SGSM2: variants seen among roughly 807,000 people sequenced by gnomAD.
SGSM2 encodes the protein small G protein signaling modulator 2.
SGSM2 carries 89 observed loss-of-function variants against 126.6 expected under a neutral mutation model. That is an observed-to-expected ratio of 0.70 (90% CI 0.59 to 0.84). The LOEUF (loss-of-function observed/expected upper bound fraction) is 0.84. Among genes scored for constraint, SGSM2 ranks in the 40% least tolerant of loss-of-function variants. The pLI is 0.00. For synonymous variants in SGSM2, 614 were observed against 574.3 expected, an observed-to-expected ratio of 1.07 and a Z score of -0.99; for missense variants, 1,404 against 1,416.6, an observed-to-expected ratio of 0.99 and a Z score of 0.14.
chr17:2,349,656 G>T (rs1028777038), intron 2 of SGSM2, among the ~76,000 whole-genome samples: 2 of 152,170 alleles, frequency 1.3e-5, no homozygotes, highest in Non-Finnish European at 1.5e-5. Flanking sequence ...GGAAACAATG[G>T]TTGCAGGCGG....
At position 2,371,386 on chromosome 17, in the gene SGSM2, C is replaced by T. The variant is rs1453217616; in HGVS notation, c.1548C>T (p.Thr516=). The T allele has an allele frequency of 6.2e-7, 1 of 1,610,218 alleles. No individual in the cohort carries two copies. The change falls in exon 13 of 24, where the codon ACC becomes ACT. Residue 516 remains threonine (T), a synonymous_variant. Transcript: ENST00000268989. ...SCSSSSSPHA[T]PSHCSCIPDR... is the part of the protein sequence containing the mutation. ...CCTCCAGCAGCTCCCCACATGCAAC[C>T]CCCAGCCACTGTAGCTGCATCCCCG...
chr17:2,377,193 G>T (rs760603041), intron 21 of SGSM2, 125 bp downstream of exon 21: 14 of 669,748 alleles, frequency 2.1e-5, no homozygotes, highest in Non-Finnish European at 3.2e-5. Flanking sequence ...CATTTTAAAA[G>T]ACATGGTTTC....
In SGSM2 at chr17:2,372,248, T is replaced by C; in HGVS notation, c.1636T>C (p.Tyr546His). 2 of 1,613,008 alleles carry C rather than the reference T, an allele frequency of 1.2e-6. No individual in the cohort carries two copies. The highest frequency in any genetic ancestry group is 1.7e-4 in the Middle Eastern group (1 of 6,060). Residue 546 changes from tyrosine (Y) to histidine (H), a missense_variant, in exon 14 of 24, where the codon TAC (tyrosine) becomes CAC (histidine). Tyr to His is a moderately conservative substitution (Grantham distance 83). Coordinates refer to ENST00000268989, the MANE Select transcript of SGSM2 (RefSeq NM_014853.3). The surrounding 1 kb of genome is among the most constrained non-coding windows in gnomAD (Gnocchi z 6.0). ...GAGGCAGATCGTGTCCCGGGCCTTC[T>C]ACGGCTGTGAGTGTGGGGCGCGCCG... ...MKRQIVSRAF[Y>H]GWLAHCRHLS... is the part of the protein sequence containing the mutation.
Position 2,377,069 on chromosome 17 carries a change from G to A in SGSM2, c.2802+1G>A. 6.2e-7 allele frequency: 1 copy of A among 1,604,074 alleles called. No homozygotes were observed. The highest frequency in any genetic ancestry group is 8.5e-7 in the Non-Finnish European group (1 of 1,172,668). On this transcript the variant is annotated splice_donor_variant, in intron 21 of 23. Transcript: ENST00000268989. LOFTEE classifies it high-confidence loss of function. ...TGCCAACATGCGCTCCCTCATCCAG[G>A]TGAGGCCGGTTGCCACCCATGGGCA...
intron 1 of SGSM2, among the ~76,000 whole-genome samples, chr17:2,340,427 A>G (rs73303078): frequency 0.28 from 42,322 of 151,938 alleles, 6,143 homozygotes; most frequent in Admixed American, 0.36. Context: ...GAGGATGATG[A>G]CTTTTTCCAC....
In SGSM2 at chr17:2,372,208, G is replaced by C; in HGVS notation, c.1596G>C (p.Leu532=). The part of the protein sequence containing the change: ...CIPDRLPLRL[L]CESMKRQIVS... The stretch of plus-strand genomic sequence containing the variant: ...GCCACAGGTTGCCGCTCAGGCTACT[G>C]TGTGAGAGTATGAAGAGGCAGATCG... The change falls in exon 14 of 24, where the codon CTG becomes CTC. Residue 532 remains leucine (L), a synonymous_variant. Coordinates refer to ENST00000268989, the MANE Select transcript of SGSM2 (RefSeq NM_014853.3). This position sits in a 1 kb window ranked among gnomAD's most constrained non-coding sequence, Gnocchi z 6.0. 6.2e-7 allele frequency: 1 copy of C among 1,613,314 alleles called. No homozygotes were observed. The highest frequency in any genetic ancestry group is 8.5e-7 in the Non-Finnish European group (1 of 1,179,790).
chr17:2,342,522 G>C (rs184337106), intron 1 of SGSM2, among the ~76,000 whole-genome samples: 2 of 152,318 alleles, frequency 1.3e-5, no homozygotes, highest in Admixed American at 1.3e-4. Context: ...TAGAAGGGAA[G>C]GTGATGAGGC....
chr17:2,353,798 T>G (rs1005225899), intron 2 of SGSM2, among the ~76,000 whole-genome samples: 2 of 151,608 alleles, frequency 1.3e-5, no homozygotes, highest in African/African-American at 2.4e-5. Context: ...AAAGTCTCAC[T>G]CCTTTCTCTG....
Position 2,362,959 on chromosome 17 carries a change from C to T in SGSM2, c.527-30C>T, listed in dbSNP as rs2065384533. 1.9e-6 allele frequency: 3 copies of T among 1,614,056 alleles called. No homozygotes were observed. The highest frequency in any genetic ancestry group is 2.2e-5 in the East Asian group (1 of 44,880). ...TACGGGGCAGGTGCTGAGGGAGCAT[C>T]GTCTGGGCTGGCTGTCTCTGTCTCC... On this transcript the variant is annotated intron_variant, in intron 5 of 23. Transcript: ENST00000268989. The surrounding 1 kb of genome is among the most constrained non-coding windows in gnomAD (Gnocchi z 4.9).
At chr17:2,369,496 C>G (rs1057448981) in intron 12 of SGSM2, among the ~76,000 whole-genome samples, 1 of 152,208 alleles carries the variant, frequency 6.6e-6, no homozygotes, top group Non-Finnish European at 1.5e-5. Context: ...CCCCTCCCCC[C>G]GTCCAGCCTG....
chr17:2,365,744 T>A (rs1309524556), intron 11 of SGSM2, among the ~76,000 whole-genome samples: 2 of 116,238 alleles, frequency 1.7e-5, no homozygotes, highest in Admixed American at 8.2e-5. Context: ...CCAGCGCTAC[T>A]TTTTTTTTTT....
intron 1 of SGSM2, among the ~76,000 whole-genome samples, chr17:2,341,911 A>G (rs2064384512): frequency 1.3e-5 from 2 of 152,264 alleles, no homozygotes; most frequent in South Asian, 2.1e-4. Context: ...AGCAGTATCC[A>G]TAACAGCCCC....
At chr17:2,360,068 C>T (rs1438070591) in intron 2 of SGSM2, among the ~76,000 whole-genome samples, 1 of 152,192 alleles carries the variant, frequency 6.6e-6, no homozygotes, top group Non-Finnish European at 1.5e-5. Context: ...GTGGGCCGGG[C>T]GCGGTGCCTC....
intron 17 of SGSM2, 21 bp from the exon 18 acceptor site, chr17:2,375,471 C>T (rs1389566702): frequency 1.9e-6 from 3 of 1,583,954 alleles, no homozygotes; most frequent in South Asian, 1.1e-5. Context: ...CAGGTGGAGC[C>T]GCCCTGTGTT....
intron 12 of SGSM2, among the ~76,000 whole-genome samples, chr17:2,368,128 A>G (rs1269199896): frequency 6.6e-6 from 1 of 152,190 alleles, no homozygotes; most frequent in African/African-American, 2.4e-5. Context: ...CCAGGGATAT[A>G]AGACAGATGT....
In SGSM2 at chr17:2,379,709, C is replaced by T. The variant is rs545935128; in HGVS notation, c.*189C>T. 14 of 1,416,498 alleles carry T rather than the reference C, an allele frequency of 9.9e-6. No individual in the cohort carries two copies. The East Asian group carries it at 1.0e-4, about 10-fold the overall frequency. 87.7% of individuals were successfully genotyped at this position (1,416,498 alleles called of 1,614,324 possible). A position where few individuals can be genotyped will look rare whatever the true frequency, so the allele number is the denominator to read the frequency against. ...GGCAAGTCAGGGGCCAGGATGCCCT[C>T]GGATCAGGGCCGGGATGGGAGGGGT... On this transcript the variant is annotated 3_prime_UTR_variant, in exon 24 of 24. Transcript: ENST00000268989.
intron 11 of SGSM2, chr17:2,366,718 A>G (rs1191832048): frequency 6.6e-6 from 1 of 152,328 alleles, no homozygotes; most frequent in African/African-American, 2.4e-5. Flanking sequence ...TTCCAGGACC[A>G]CCTCGCCAAG....
At chr17:2,343,485 C>A (rs570740230) in intron 1 of SGSM2, 60 bp from the exon 2 acceptor site, 3 of 1,540,288 alleles carry the variant, frequency 1.9e-6, no homozygotes, top group African/African-American at 2.7e-5. Flanking sequence ...TATTTATTTG[C>A]CCAGAGGTCT....
At position 2,357,067 on chromosome 17, in the gene SGSM2, G is replaced by A. The variant is rs776161126; in HGVS notation, c.134-4570G>A. On this transcript the variant is annotated intron_variant, in intron 2 of 23. Coordinates refer to ENST00000268989, the MANE Select transcript of SGSM2 (RefSeq NM_014853.3). ...CCATCAGCATCTGTGGTCTCCAGCC[G>A]TGTGTAGCATTTGTTAGGCTGCAGA... is the stretch of plus-strand genomic sequence containing the variant. Among the ~76,000 whole-genome samples, 17 of 152,174 alleles carry A rather than the reference G, an allele frequency of 1.1e-4. No individual in the cohort carries two copies. The South Asian group carries it at 1.7e-3, about 15-fold the overall frequency.
Sources: gnomAD v4.1 joint callset for allele counts (sites outside exome capture counted in the v4.1 genomes callset) on GRCh38, gnomAD v4.1.1 for gene constraint, Gnocchi (gnomAD v3.1) non-coding constraint, MANE v1.5 for transcripts, NCBI Gene and HGNC (gene_info 2026-07-23, HGNC 2026-07-21) for gene names.